Variants in DPYSL5 observed in about 807,000 individuals in gnomAD.
The protein encoded by DPYSL5 is dihydropyrimidinase-related protein 5.
A neutral mutation model predicts 58.4 loss-of-function variants in DPYSL5; 9 were observed. The ratio of observed to expected loss-of-function variants is 0.15; its 90% confidence interval spans 0.09 to 0.27. The LOEUF (loss-of-function observed/expected upper bound fraction) is 0.27. Among genes scored for constraint, DPYSL5 ranks in the 10% least tolerant of loss-of-function variants. The pLI is 1.00. For missense variants in DPYSL5, 499 were observed against 770.6 expected (o/e 0.65, Z 4.17); for synonymous variants, 293 against 301.9 (o/e 0.97, Z 0.31).
Position 26,934,537 on chromosome 2 carries a change from C to A in DPYSL5, c.791-41C>A. On this transcript the variant is annotated intron_variant, in intron 7 of 12. Coordinates refer to ENST00000288699, the MANE Select transcript of DPYSL5 (RefSeq NM_020134.4). This position sits in a 1 kb window ranked among gnomAD's most constrained non-coding sequence, Gnocchi z 4.3. ...GCACACACCAGCGATCGCTCAGGTT[C>A]GGTGGCTTCCTGGTTATGGTTCTGA... 6.3e-7 allele frequency: 1 copy of A among 1,595,292 alleles called. No homozygotes were observed. Among genetic ancestry groups the A allele is most frequent in the South Asian group, 1.1e-5 (1 of 89,802 alleles).
intron 6 of DPYSL5, among the ~76,000 whole-genome samples, chr2:26,932,687 G>A (rs1019071645): frequency 5.9e-5 from 9 of 152,156 alleles, no homozygotes; most frequent in African/African-American, 1.7e-4. Flanking sequence ...GCCATGGACC[G>A]TGGTTGCACA....
intron 1 of DPYSL5, among the ~76,000 whole-genome samples, chr2:26,890,841 C>G (rs576427721): frequency 4.6e-4 from 70 of 152,298 alleles, no homozygotes; most frequent in African/African-American, 1.6e-3. Flanking sequence ...TGTCCTCACA[C>G]GGCCTTTCTT....
At chr2:26,945,182 G>A (rs1453196479) in intron 12 of DPYSL5, among the ~76,000 whole-genome samples, 1 of 151,932 alleles carries the variant, frequency 6.6e-6, no homozygotes, top group African/African-American at 2.4e-5. Flanking sequence ...TCACGGGACT[G>A]CACCGACCAG....
intron 1 of DPYSL5, among the ~76,000 whole-genome samples, chr2:26,889,566 G>A (rs543266111): frequency 2.6e-5 from 4 of 151,908 alleles, no homozygotes; most frequent in East Asian, 1.9e-4. Context: ...CACCGCGCCC[G>A]GCCTGGAGAG....
At chr2:26,851,024 ATG>A (rs1187916886) in intron 1 of DPYSL5, among the ~76,000 whole-genome samples, 4 of 152,188 alleles carry the variant, frequency 2.6e-5, no homozygotes, top group Non-Finnish European at 5.9e-5. Flanking sequence ...TTATATATGC[ATG>A]TGTGTATTTA....
At chr2:26,853,865 TC>T (rs1051558033) in intron 1 of DPYSL5, among the ~76,000 whole-genome samples, 59 of 152,062 alleles carry the variant, frequency 3.9e-4, no homozygotes, top group African/African-American at 1.3e-3. Context: ...ATAGGGAAAC[TC>T]CATCTCTACA....
intron 2 of DPYSL5, among the ~76,000 whole-genome samples, chr2:26,899,482 C>T (rs1334395086): frequency 2.0e-5 from 3 of 152,220 alleles, no homozygotes; most frequent in Admixed American, 6.5e-5. Flanking sequence ...CTATCTCATG[C>T]TGGCCTCTCC....
intron 8 of DPYSL5, among the ~76,000 whole-genome samples, chr2:26,937,799 G>A (rs568733392): frequency 6.6e-6 from 1 of 152,046 alleles, no homozygotes; most frequent in East Asian, 1.9e-4. Flanking sequence ...GTCTCACTCT[G>A]TCTCCCAGGC....
At chr2:26,911,037 TTTAAG>T (rs1484897924) in intron 2 of DPYSL5, among the ~76,000 whole-genome samples, 1 of 151,690 alleles carries the variant, frequency 6.6e-6, no homozygotes, top group Non-Finnish European at 1.5e-5. Context: ...TATGATCTGT[TTTAAG>T]TTAATTTTTA....
intron 2 of DPYSL5, among the ~76,000 whole-genome samples, chr2:26,904,489 A>G (rs993675808): frequency 2.0e-5 from 3 of 152,150 alleles, no homozygotes; most frequent in African/African-American, 7.2e-5. Context: ...CCAGACTCAT[A>G]TGGTCTTGCT....
chr2:26,868,310 C>G (rs1490591601), intron 1 of DPYSL5, among the ~76,000 whole-genome samples: 1 of 152,072 alleles, frequency 6.6e-6, no homozygotes, highest in Non-Finnish European at 1.5e-5. Context: ...TAGTATCTTT[C>G]ATTTCTTGAT....
intron 2 of DPYSL5, among the ~76,000 whole-genome samples, chr2:26,916,549 C>T (rs1045856000): frequency 2.0e-4 from 31 of 152,200 alleles, no homozygotes; most frequent in African/African-American, 7.5e-4. Flanking sequence ...TAATCAAAGT[C>T]CCCACAGTTT....
chr2:26,865,568 C>T (rs1558322712), intron 1 of DPYSL5, among the ~76,000 whole-genome samples: 3 of 152,074 alleles, frequency 2.0e-5, no homozygotes, highest in Admixed American at 2.0e-4. Flanking sequence ...CCGTCTTGGC[C>T]TCCCAAGGTG....
At chr2:26,928,704 T>TACAC (rs1553320464) in intron 5 of DPYSL5, among the ~76,000 whole-genome samples, 2 of 62,966 alleles carry the variant, frequency 3.2e-5, no homozygotes, top group African/African-American at 1.3e-4. Flanking sequence ...TATATATATA[T>TACAC]ACACACACAC....
In DPYSL5 at chr2:26,942,829, AAG is replaced by A. The variant is rs77595768; in HGVS notation, c.1440+83_1440+84del. On this transcript the variant is annotated intron_variant, in intron 11 of 12. Transcript: ENST00000288699. This position sits in a 1 kb window ranked among gnomAD's most constrained non-coding sequence, Gnocchi z 5.9. ...TCCTCCATGACTGTTTTAAATCTCA[AAG>A]AGATGTTCACTCCAGTTTTCGACCC... 789 of 1,499,476 alleles carry A rather than the reference AAG, an allele frequency of 5.3e-4. 3 individuals are homozygous for A. Among genetic ancestry groups the A allele is most frequent in the East Asian group, 3.0e-3 (129 of 43,540 alleles). 92.9% of individuals were successfully genotyped at this position (1,499,476 alleles called of 1,614,324 possible).
At chr2:26,848,466 C>G (rs1469660113) in intron 1 of DPYSL5, 1 of 152,438 alleles carries the variant, frequency 6.6e-6, no homozygotes, top group Non-Finnish European at 1.5e-5. Context: ...TCTTTGTACG[C>G]CCGCGAAGCG....
At chr2:26,937,630 CTTG>C (rs1665212838) in intron 8 of DPYSL5, among the ~76,000 whole-genome samples, 1 of 150,588 alleles carries the variant, frequency 6.6e-6, no homozygotes. Flanking sequence ...TTTATTCTGG[CTTG>C]TTTTTTTTTT....
chr2:26,944,192 G>C lies in DPYSL5; in HGVS notation c.1441-464G>C, dbSNP rs993822760. Among the ~76,000 whole-genome samples, 3 of 152,158 alleles carry C rather than the reference G, an allele frequency of 2.0e-5. No individual in the cohort carries two copies. The highest frequency in any genetic ancestry group is 7.2e-5 in the African/African-American group (3 of 41,436). ...TAATCCTAGCTACTTGGGAGGCTGA[G>C]GCAGGAGAATCACTTTGCGGGGGCG... On this transcript the variant is annotated intron_variant, in intron 11 of 12. Transcript: ENST00000288699. The surrounding 1 kb of genome is among the most constrained non-coding windows in gnomAD (Gnocchi z 4.4).
At chr2:26,935,311 C>T (rs1245877861) in intron 8 of DPYSL5, among the ~76,000 whole-genome samples, 3 of 152,128 alleles carry the variant, frequency 2.0e-5, no homozygotes, top group South Asian at 2.1e-4. Context: ...GTTTGATGAA[C>T]GGTCTGAATT....
Sources: allele counts gnomAD v4.1 joint callset (sites outside exome capture counted in the v4.1 genomes callset), GRCh38; gene constraint gnomAD v4.1.1; non-coding constraint Gnocchi (gnomAD v3.1); transcripts MANE v1.5; gene names NCBI Gene and HGNC (gene_info 2026-07-23, HGNC 2026-07-21).